NR1H4: variants seen among roughly 807,000 people sequenced by gnomAD.
NR1H4 encodes bile acid receptor.
In NR1H4, 23 loss-of-function variants were observed where a neutral mutation model predicts 58.5. The ratio of observed to expected loss-of-function variants is 0.39; its 90% confidence interval spans 0.28 to 0.56. The LOEUF (loss-of-function observed/expected upper bound fraction) is 0.56, where lower values mean the gene tolerates loss of function less well. Ranked by LOEUF, NR1H4 falls within the 20% of genes least tolerant of loss-of-function variation. The pLI is 0.58. For synonymous variants in NR1H4, 214 were observed against 198.0 expected, an observed-to-expected ratio of 1.08 and a Z score of -0.68; for missense variants, 487 against 576.9, an observed-to-expected ratio of 0.84 and a Z score of 1.60.
At chr12:100,550,537 T>C (rs550164437) in intron 9 of NR1H4, among the ~76,000 whole-genome samples, 1 of 152,202 alleles carries the variant, frequency 6.6e-6, no homozygotes, top group South Asian at 2.1e-4. Context: ...GTTAATTTTT[T>C]GTATTTTTAG....
At chr12:100,478,090 G>T (rs543526391) in intron 1 of NR1H4, among the ~76,000 whole-genome samples, 1 of 151,866 alleles carries the variant, frequency 6.6e-6, no homozygotes, top group African/African-American at 2.4e-5. Context: ...ATAGTCCTTC[G>T]CTGATAAAGA....
chr12:100,503,391 G>A (rs1180559477), intron 3 of NR1H4: 6 of 1,596,654 alleles, frequency 3.8e-6, no homozygotes, highest in African/African-American at 1.3e-5. Context: ...GCTAAGAATG[G>A]TAATGCAGTT....
chr12:100,531,316 C>T (rs544815960), intron 4 of NR1H4, among the ~76,000 whole-genome samples: 27 of 152,144 alleles, frequency 1.8e-4, no homozygotes, highest in Middle Eastern at 6.8e-3. Flanking sequence ...ATTAGTCGGC[C>T]GCGGTGGGCG....
chr12:100,492,000 A>G (rs776166551), intron 1 of NR1H4, among the ~76,000 whole-genome samples: 3 of 152,056 alleles, frequency 2.0e-5, no homozygotes, highest in South Asian at 2.1e-4. Context: ...ATAATTATCT[A>G]TGTATTTGGG....
At chr12:100,529,408 A>G (rs1954638638) in intron 4 of NR1H4, among the ~76,000 whole-genome samples, 2 of 152,136 alleles carry the variant, frequency 1.3e-5, no homozygotes, top group African/African-American at 2.4e-5. Flanking sequence ...TTCCCAACAT[A>G]CAGGTTAGGT....
At chr12:100,558,742 C>T (rs1187569208) in intron 9 of NR1H4, among the ~76,000 whole-genome samples, 5 of 152,328 alleles carry the variant, frequency 3.3e-5, no homozygotes, top group Admixed American at 6.5e-5. Flanking sequence ...TGTACAAAAA[C>T]TGGGCAATGT....
chr12:100,502,890 C>T (rs140105942), intron 3 of NR1H4, among the ~76,000 whole-genome samples: 6 of 152,236 alleles, frequency 3.9e-5, no homozygotes, highest in African/African-American at 1.2e-4. Context: ...CTCACTACCA[C>T]GAGAACAGTG....
chr12:100,536,465 C>A, intron 6 of NR1H4, 47 bp from the exon 7 acceptor site: 1 of 1,104,196 alleles, frequency 9.1e-7, no homozygotes, highest in Non-Finnish European at 1.4e-6. Context: ...AGAAAGAAGG[C>A]TTTATACACA....
At chr12:100,513,799 A>AG (rs1213137241) in intron 4 of NR1H4, among the ~76,000 whole-genome samples, 1 of 120,352 alleles carries the variant, frequency 8.3e-6, no homozygotes, top group African/African-American at 3.1e-5. Flanking sequence ...CGTCAAAGAC[A>AG]GAAAGGAAGG....
intron 4 of NR1H4, among the ~76,000 whole-genome samples, chr12:100,517,141 T>TAA (rs1954289057): frequency 6.6e-6 from 1 of 152,228 alleles, no homozygotes; most frequent in East Asian, 1.9e-4. Context: ...TCCTTCTATC[T>TAA]AACTGTATTC....
chr12:100,544,145 G>T lies in NR1H4; in HGVS notation c.1078+3327G>T, dbSNP rs539789279. On this transcript the variant is annotated intron_variant, in intron 9 of 10. Transcript: ENST00000392986. ...CGGGTGCCTGTAGTCCCAGCTACTC[G>T]GGAGGCTGAGGCAGGAGAATGGCGT... Among the ~76,000 whole-genome samples, 19 of 151,648 alleles carry T rather than the reference G, an allele frequency of 1.3e-4. No homozygotes were observed. The East Asian group carries it at 3.1e-3, about 25-fold the overall frequency.
intron 9 of NR1H4, among the ~76,000 whole-genome samples, chr12:100,542,550 G>A (rs542165216): frequency 1.3e-5 from 2 of 152,224 alleles, no homozygotes; most frequent in East Asian, 1.9e-4. Context: ...TTATTTTCCC[G>A]AGAGATTTCA....
chr12:100,534,555 T>C (rs1399518518), intron 5 of NR1H4, among the ~76,000 whole-genome samples: 1 of 152,236 alleles, frequency 6.6e-6, no homozygotes, highest in Non-Finnish European at 1.5e-5. Flanking sequence ...TACAATGCTT[T>C]CATATCACAA....
At chr12:100,546,569 C>T (rs912089492) in intron 9 of NR1H4, among the ~76,000 whole-genome samples, 16 of 152,002 alleles carry the variant, frequency 1.1e-4, no homozygotes, top group African/African-American at 3.6e-4. Flanking sequence ...GTGGCAGGCA[C>T]CTGTAATCCT....
intron 6 of NR1H4, 67 bp downstream of exon 6, chr12:100,535,090 G>A: frequency 6.3e-7 from 1 of 1,587,768 alleles, no homozygotes; most frequent in Non-Finnish European, 8.6e-7. Context: ...TAGTGAGCTG[G>A]CCAGGAGGCT....
intron 3 of NR1H4, among the ~76,000 whole-genome samples, chr12:100,507,698 T>C (rs11110400): frequency 0.16 from 24,071 of 151,894 alleles, 3,996 homozygotes; most frequent in East Asian, 0.45. Flanking sequence ...CTTTTGACCT[T>C]GTGAACCACC....
chr12:100,535,930 G>C (rs1488072493), intron 6 of NR1H4, among the ~76,000 whole-genome samples: 2 of 152,108 alleles, frequency 1.3e-5, no homozygotes, highest in Admixed American at 6.6e-5. Context: ...TGGCCACATG[G>C]TATCTACAAC....
At chr12:100,475,186 G>A (rs1953242943) in intron 1 of NR1H4, among the ~76,000 whole-genome samples, 1 of 146,710 alleles carries the variant, frequency 6.8e-6, no homozygotes, top group Admixed American at 6.7e-5. Context: ...CCTAAAAAAA[G>A]GAAGGGAGAA....
chr12:100,477,088 C>T (rs1229308651), intron 1 of NR1H4, among the ~76,000 whole-genome samples: 1 of 151,996 alleles, frequency 6.6e-6, no homozygotes, highest in Non-Finnish European at 1.5e-5. Context: ...CTTCTCTCAC[C>T]CTGCTCTGGA....
Sources: allele counts gnomAD v4.1 joint callset (sites outside exome capture counted in the v4.1 genomes callset), GRCh38; gene constraint gnomAD v4.1.1; transcripts MANE v1.5; gene names NCBI Gene and HGNC (gene_info 2026-07-23, HGNC 2026-07-21).